ARHGEF28: variants seen among roughly 807,000 people sequenced by gnomAD.
The protein encoded by ARHGEF28 is 190 kDa guanine nucleotide exchange factor.
ARHGEF28 carries 152 observed loss-of-function variants against 206.6 expected under a neutral mutation model. That is an observed-to-expected ratio of 0.74 (90% CI 0.64 to 0.84). The LOEUF is 0.84. Ranked by LOEUF, ARHGEF28 falls within the 40% of genes least tolerant of loss-of-function variation. ARHGEF28 has a pLI of 0.00. For missense variants in ARHGEF28, 2,028 were observed against 2,073.2 expected (o/e 0.98, Z 0.42); for synonymous variants, 763 against 776.4 (o/e 0.98, Z 0.29).
intron 2 of ARHGEF28, among the ~76,000 whole-genome samples, chr5:73,732,073 G>A (rs55991043): frequency 1.3e-3 from 188 of 144,288 alleles, no homozygotes; most frequent in Non-Finnish European, 1.9e-3. Flanking sequence ...CATCATCATC[G>A]AAAATCTGTA....
chr5:73,909,961 T>C, intron 34 of ARHGEF28, 64 bp downstream of exon 34: 1 of 1,449,120 alleles, frequency 6.9e-7, no homozygotes, highest in Non-Finnish European at 9.0e-7. Flanking sequence ...TGGGGGCTCC[T>C]AGGACACTAA....
intron 26 of ARHGEF28, among the ~76,000 whole-genome samples, chr5:73,888,180 C>T (rs1424022844): frequency 2.0e-5 from 3 of 152,234 alleles, no homozygotes; most frequent in South Asian, 2.1e-4. Flanking sequence ...TGACTGCCAT[C>T]GTGTGCCTTC....
rs75750487 is a variant in ARHGEF28, at chr5:73,772,116, T to A, written c.476-1739T>A. Among the ~76,000 whole-genome samples the A allele has an allele frequency of 4.7e-4, 71 of 152,292 alleles. 1 individual carries two copies. Among genetic ancestry groups the A allele is most frequent in the Non-Finnish European group, 2.9e-4 (20 of 68,010 alleles). ...ATCTATATCTCTATAGATATAGATA[T>A]ATAAATAATTAAAAATGTAAACTAA... On this transcript the variant is annotated intron_variant, in intron 4 of 35. Coordinates refer to ENST00000513042, the MANE Select transcript of ARHGEF28 (RefSeq NM_001177693.2).
intron 11 of ARHGEF28, among the ~76,000 whole-genome samples, chr5:73,845,016 T>TA (rs1375140106): frequency 6.9e-6 from 1 of 145,266 alleles, no homozygotes; most frequent in Non-Finnish European, 1.5e-5. Flanking sequence ...GAATCATTTT[T>TA]TTTTTTTTTT....
At chr5:73,867,766 T>A in intron 18 of ARHGEF28, 110 bp from the exon 19 acceptor site, 1 of 1,402,488 alleles carries the variant, frequency 7.1e-7, no homozygotes, top group Non-Finnish European at 9.8e-7. Flanking sequence ...AGAGCATGCA[T>A]CAGATTACAA....
At chr5:73,643,304 A>G (rs1744235223) in intron 1 of ARHGEF28, among the ~76,000 whole-genome samples, 1 of 152,234 alleles carries the variant, frequency 6.6e-6, no homozygotes, top group African/African-American at 2.4e-5. Context: ...TCATAAGTGA[A>G]CATTTTATAC....
chr5:73,840,818 C>T, intron 11 of ARHGEF28, 58 bp downstream of exon 11: 1 of 1,491,520 alleles, frequency 6.7e-7, no homozygotes, highest in Non-Finnish European at 8.9e-7. Context: ...TATAGGTAGA[C>T]TTCAAAAATT....
chr5:73,809,450 G>A (rs1009200), intron 9 of ARHGEF28, among the ~76,000 whole-genome samples: 51,314 of 151,902 alleles, frequency 0.34, 9,919 homozygotes, highest in East Asian at 0.44. Flanking sequence ...ACTAACTGAC[G>A]GAGCCATTAT....
Position 73,697,214 on chromosome 5 carries a change from T to C in ARHGEF28, c.33+12330T>C, listed in dbSNP as rs531718814. On this transcript the variant is annotated intron_variant, in intron 2 of 35. Coordinates refer to ENST00000513042, the MANE Select transcript of ARHGEF28 (RefSeq NM_001177693.2). ...CTTACTTTATCAGACAGGAAGTTCC[T>C]GAAGAATCTCCTAACTCAGAAAAGA... 7.2e-5 allele frequency among the ~76,000 whole-genome samples: 11 copies of C among 152,360 alleles called. No homozygotes were observed. In the East Asian group the frequency reaches 2.1e-3, roughly 29 times the overall value.
chr5:73,886,838 T>A (rs1761331692), intron 25 of ARHGEF28, among the ~76,000 whole-genome samples: 1 of 152,194 alleles, frequency 6.6e-6, no homozygotes, highest in South Asian at 2.1e-4. Context: ...GCTCCCCAAG[T>A]GAGACTACTC....
chr5:73,939,845 T>C (rs1334863548), intron 35 of ARHGEF28, among the ~76,000 whole-genome samples: 2 of 152,240 alleles, frequency 1.3e-5, no homozygotes, highest in Non-Finnish European at 2.9e-5. Flanking sequence ...GAAGAAAATG[T>C]GGCGAGGGTT....
chr5:73,712,619 T>C (rs902196587), intron 2 of ARHGEF28, among the ~76,000 whole-genome samples: 2 of 152,234 alleles, frequency 1.3e-5, no homozygotes, highest in African/African-American at 4.8e-5. Context: ...GAATTTTGCA[T>C]GCATGTTAGC....
chr5:73,859,201 A>C (rs972535376), intron 16 of ARHGEF28, among the ~76,000 whole-genome samples: 2 of 152,200 alleles, frequency 1.3e-5, no homozygotes, highest in Non-Finnish European at 2.9e-5. Context: ...GTTCTCTGCT[A>C]TATGCAGAGT....
chr5:73,830,608 C>G (rs74980986), intron 9 of ARHGEF28, among the ~76,000 whole-genome samples: 6,804 of 151,630 alleles, frequency 0.045, 215 homozygotes, highest in African/African-American at 0.078. Flanking sequence ...TCGTATGTTT[C>G]CTCCAGAAGC....
At chr5:73,787,148 A>G (rs1243843288) in intron 7 of ARHGEF28, among the ~76,000 whole-genome samples, 1 of 152,212 alleles carries the variant, frequency 6.6e-6, no homozygotes, top group Non-Finnish European at 1.5e-5. Flanking sequence ...ATATCAAGAT[A>G]TAGGTCCTTT....
chr5:73,931,161 G>A (rs2112024479), intron 35 of ARHGEF28, among the ~76,000 whole-genome samples: 1 of 152,296 alleles, frequency 6.6e-6, no homozygotes, highest in African/African-American at 2.4e-5. Context: ...TTTTCCTCCA[G>A]CCTGTTGCCA....
At chr5:73,896,780 T>C (rs1761982665) in intron 29 of ARHGEF28, among the ~76,000 whole-genome samples, 3 of 152,238 alleles carry the variant, frequency 2.0e-5, no homozygotes, top group African/African-American at 7.2e-5. Flanking sequence ...GGCTTTAACT[T>C]TCTCCCCCAC....
At chr5:73,870,791 G>A (rs1760059153) in intron 21 of ARHGEF28, among the ~76,000 whole-genome samples, 1 of 152,156 alleles carries the variant, frequency 6.6e-6, no homozygotes, top group South Asian at 2.1e-4. Context: ...ATTCTGGATT[G>A]GAGAAAGTTA....
rs10053418 is a variant in ARHGEF28, at chr5:73,733,915, A to T, written c.34-15922A>T. 9.2e-5 allele frequency among the ~76,000 whole-genome samples: 14 copies of T among 151,772 alleles called. No homozygotes were observed. The East Asian group carries it at 2.7e-3, about 29-fold the overall frequency. On this transcript the variant is annotated intron_variant, in intron 2 of 35. Transcript: ENST00000513042. ...AACTTACAGTCATGGCAGAAGGTGA[A>T]GGGGGAGCACACAGTCACATGGCCA...
Sources: gnomAD v4.1 joint callset for allele counts (sites outside exome capture counted in the v4.1 genomes callset) on GRCh38, gnomAD v4.1.1 for gene constraint, MANE v1.5 for transcripts, NCBI Gene and HGNC (gene_info 2026-07-23, HGNC 2026-07-21) for gene names.